Variants in LAMC3 observed in about 807,000 individuals in gnomAD.
The protein encoded by LAMC3 is laminin subunit gamma 3.
Under a neutral mutation model 173.8 loss-of-function variants are expected in LAMC3, and 128 were observed. The ratio of observed to expected loss-of-function variants is 0.74; its 90% CI spans 0.64 to 0.85. The LOEUF (loss-of-function observed/expected upper bound fraction) is 0.85. Among genes scored for constraint, LAMC3 ranks in the 40% least tolerant of loss-of-function variants. The pLI, the probability that LAMC3 is intolerant of heterozygous loss-of-function variation, is 0.00. For missense variants in LAMC3, 2,022 were observed against 2,156.0 expected (o/e 0.94, Z 1.23); for synonymous variants, 897 against 909.1 (o/e 0.99, Z 0.24).
intron 1 of LAMC3, among the ~76,000 whole-genome samples, chr9:131,024,619 G>A (rs1361460480): frequency 6.6e-6 from 1 of 152,136 alleles, no homozygotes; most frequent in East Asian, 1.9e-4. Flanking sequence ...GGCATCTTCT[G>A]TGCTGCTCTG....
chr9:131,087,786 C>A lies in LAMC3; in HGVS notation c.4446C>A (p.Ile1482=). The change falls in exon 27 of 28, where the codon ATC becomes ATA. Residue 1482 remains isoleucine, a synonymous_variant. Coordinates refer to ENST00000361069, the MANE Select transcript of LAMC3 (RefSeq NM_006059.4). ...RESRISLEKD[I]ETLSELLARL... ...CGCGTATCTCACTGGAGAAGGACAT[C>A]GAGACCTTGTCAGAGCTGCTTGCCA... The A allele has an allele frequency of 6.2e-7, 1 of 1,614,098 alleles. No individual in the cohort carries two copies. Among genetic ancestry groups the A allele is most frequent in the African/African-American group, 1.3e-5 (1 of 75,068 alleles).
chr9:131,052,639 C>A lies in LAMC3; in HGVS notation c.1779C>A (p.Gly593=). The change falls in exon 10 of 28, where the codon GGC becomes GGA. Residue 593 remains glycine (G), a synonymous_variant. Transcript: ENST00000361069. Reference sequence around the variant, plus strand: ...CCCTGAGGCACTCTAGCCTGTCTGGCCCCCAGGATGCCGGGCATCCCAGGG... The same window carrying A: ...CCCTGAGGCACTCTAGCCTGTCTGGACCCCAGGATGCCGGGCATCCCAGGG... ...ALSLRHSSLS[G]PQDAGHPREV... is the part of the protein sequence containing the mutation. 1 of 1,613,718 alleles carries A rather than the reference C, an allele frequency of 6.2e-7. No homozygotes were observed. The highest frequency in any genetic ancestry group is 2.2e-5 in the East Asian group (1 of 44,858).
In LAMC3 at chr9:131,030,783, G is replaced by A. The variant is rs1318895619; in HGVS notation, c.679-1262G>A. Among the ~76,000 whole-genome samples the A allele has an allele frequency of 4.6e-5, 7 of 152,236 alleles. 1 individual carries two copies. In the South Asian group the frequency reaches 6.2e-4, roughly 13 times the overall value. ...CACAGCGCGTTCAGCTCTGGACTGC[G>A]GGACTTCCCCACCCCAGGCCTCAGC... On this transcript the variant is annotated intron_variant, in intron 2 of 27. Coordinates refer to ENST00000361069, the MANE Select transcript of LAMC3 (RefSeq NM_006059.4).
chr9:131,045,749 A>G, intron 8 of LAMC3, 89 bp downstream of exon 8: 1 of 1,508,780 alleles, frequency 6.6e-7, no homozygotes, highest in Non-Finnish European at 9.1e-7. Context: ...GCATTAGTGG[A>G]TCTCCCATTG....
chr9:131,090,885 G>A (rs1022892880), intron 27 of LAMC3, among the ~76,000 whole-genome samples: 13 of 152,066 alleles, frequency 8.5e-5, no homozygotes, highest in Admixed American at 1.3e-4. Context: ...AAAAATTAGC[G>A]GAGCATGGTG....
Position 131,026,851 on chromosome 9 carries a change from T to C in LAMC3, c.678+262T>C, listed in dbSNP as rs1833728291. ...CCTGCCAAGTAACTGAGATTACAGGTGCCCGCCACGACTCCTGGCTGATTC... is the reference window on the plus strand; with the variant it reads ...CCTGCCAAGTAACTGAGATTACAGGCGCCCGCCACGACTCCTGGCTGATTC... On this transcript the variant is annotated intron_variant, in intron 2 of 27. Coordinates refer to ENST00000361069, the MANE Select transcript of LAMC3 (RefSeq NM_006059.4). The surrounding 1 kb of genome is among the most constrained non-coding windows in gnomAD (Gnocchi z 4.8). Among the ~76,000 whole-genome samples, 1 of 152,162 alleles carries C rather than the reference T, an allele frequency of 6.6e-6. No homozygotes were observed. Among genetic ancestry groups the C allele is most frequent in the Non-Finnish European group, 1.5e-5 (1 of 68,034 alleles).
chr9:131,026,680 GGGGGACCT>G lies in LAMC3; in HGVS notation c.678+93_678+100del, dbSNP rs1417999749. On this transcript the variant is annotated intron_variant, in intron 2 of 27. Transcript: ENST00000361069. The surrounding 1 kb of genome is among the most constrained non-coding windows in gnomAD (Gnocchi z 4.8). ...TCTGATGTGCCAGGACACACAGGGT[GGGGGACCT>G]GCAAAACCCCATGGTTTTCTTTTTC... The G allele has an allele frequency of 6.9e-6, 10 of 1,440,576 alleles. No homozygotes were observed. The highest frequency in any genetic ancestry group is 9.1e-6 in the Non-Finnish European group (10 of 1,101,574). The allele number at this position is 1,440,576 out of a possible 1,614,324, so 89.2% of individuals were successfully genotyped here.
intron 6 of LAMC3, among the ~76,000 whole-genome samples, 180 bp from the exon 7 acceptor site, chr9:131,041,457 C>A (rs1834055843): frequency 6.6e-6 from 1 of 151,466 alleles, no homozygotes; most frequent in Non-Finnish European, 1.5e-5. Context: ...AGATGGACCA[C>A]TGTACCAGTG....
At chr9:131,084,079 C>T (rs1283632678) in intron 24 of LAMC3, among the ~76,000 whole-genome samples, 1 of 143,690 alleles carries the variant, frequency 7.0e-6, no homozygotes, top group African/African-American at 2.6e-5. Context: ...GACAGGGTTT[C>T]ACCAGGTTGG....
intron 13 of LAMC3, among the ~76,000 whole-genome samples, chr9:131,062,788 G>C (rs566426169): frequency 2.6e-5 from 4 of 151,904 alleles, no homozygotes; most frequent in Non-Finnish European, 5.9e-5. Flanking sequence ...AGAATTGCTT[G>C]AACCCAGGAG....
rs762849794 is a variant in LAMC3 at position 131,069,807 on chromosome 9, A to G, written c.3026A>G (p.His1009Arg). 13 of 1,594,670 alleles carry G rather than the reference A, an allele frequency of 8.2e-6. No individual in the cohort carries two copies. The highest frequency in any genetic ancestry group is 4.5e-5 in the South Asian group (4 of 88,042). The part of the protein sequence containing the change: ...DNFFLTADGT[H>R]CQQCPSCYAL... ...TTCTTCCTCACGGCAGACGGCACAC[A>G]CTGCCAGCAATGTCCGTCCTGCTAC... Residue 1009 changes from histidine to arginine, a missense_variant, in exon 17 of 28, where the codon CAC becomes CGC. Coordinates refer to ENST00000361069, the MANE Select transcript of LAMC3 (RefSeq NM_006059.4).
chr9:131,072,189 T>G (rs1262973595), intron 18 of LAMC3, among the ~76,000 whole-genome samples: 1 of 152,110 alleles, frequency 6.6e-6, no homozygotes, highest in Non-Finnish European at 1.5e-5. Flanking sequence ...ATTGGATTAC[T>G]TTGTGAAGTT....
At chr9:131,022,272 C>G (rs954601869) in intron 1 of LAMC3, among the ~76,000 whole-genome samples, 2 of 140,054 alleles carry the variant, frequency 1.4e-5, no homozygotes, top group African/African-American at 5.4e-5. Flanking sequence ...AATAGAGAGA[C>G]ATGGTCTCAC....
Position 131,026,694 on chromosome 9 carries a change from AC to A in LAMC3, c.678+109del, listed in dbSNP as rs1833724103. The A allele has an allele frequency of 7.0e-7, 1 of 1,425,954 alleles. No individual in the cohort carries two copies. Among genetic ancestry groups the A allele is most frequent in the Non-Finnish European group, 9.2e-7 (1 of 1,092,448 alleles). 88.3% of individuals were successfully genotyped at this position (1,425,954 alleles called of 1,614,324 possible). ...ACACACAGGGTGGGGGACCTGCAAA[AC>A]CCCATGGTTTTCTTTTTCTTCTTTT... On this transcript the variant is annotated intron_variant, in intron 2 of 27. Transcript: ENST00000361069. This position sits in a 1 kb window ranked among gnomAD's most constrained non-coding sequence, Gnocchi z 4.8.
Position 131,048,047 on chromosome 9 carries a change from A to ATTTT in LAMC3, c.1520-949_1520-946dup, listed in dbSNP as rs59291636. 6.6e-4 allele frequency among the ~76,000 whole-genome samples: 35 copies of ATTTT among 53,394 alleles called. 9 individuals carry two copies. The highest frequency in any genetic ancestry group is 2.5e-3 in the African/African-American group (28 of 11,100). The allele number at this position is 53,394 out of a possible 152,430, so 35.0% of individuals were successfully genotyped here. A position where few individuals can be genotyped will look rare whatever the true frequency, so the allele number is the denominator to read the frequency against. On this transcript the variant is annotated intron_variant, in intron 8 of 27. Transcript: ENST00000361069. ...AGGTGTGAGCCACCACACCCAGCTG[A>ATTTT]TTTTTTTTTTTTTTTTTTTTTTTTT... is the stretch of plus-strand genomic sequence containing the variant.
rs1185329377 is a variant in LAMC3, at chr9:131,026,255, A to G, written c.374-30A>G. ...GGATTCCATACCTCCTTCCCCTTCC[A>G]TAAAATGGGCCCCGTTTTCCTGGCT... is the stretch of plus-strand genomic sequence containing the variant. On this transcript the variant is annotated intron_variant, in intron 1 of 27. Transcript: ENST00000361069. The surrounding 1 kb of genome is among the most constrained non-coding windows in gnomAD (Gnocchi z 4.8). The G allele has an allele frequency of 3.1e-6, 5 of 1,613,640 alleles. No individual in the cohort carries two copies. Among genetic ancestry groups the G allele is most frequent in the Admixed American group, 1.7e-5 (1 of 59,992 alleles).
Position 131,052,985 on chromosome 9 carries a change from T to C in LAMC3, c.1939+20T>C. The C allele has an allele frequency of 6.4e-7, 1 of 1,551,770 alleles. No homozygotes were observed. The highest frequency in any genetic ancestry group is 8.9e-7 in the Non-Finnish European group (1 of 1,126,690). On this transcript the variant is annotated intron_variant, in intron 11 of 27. Transcript: ENST00000361069. ...CTGCCGGTCAGTAAAGACAACCACA[T>C]GCCCAAGACCCGAGTGCTTGCCAGG...
intron 4 of LAMC3, among the ~76,000 whole-genome samples, 198 bp downstream of exon 4, chr9:131,036,530 C>T (rs1376084102): frequency 1.3e-5 from 2 of 152,116 alleles, no homozygotes; most frequent in African/African-American, 4.8e-5. Flanking sequence ...CTCAGTCTCT[C>T]CTCCACTAAG....
intron 3 of LAMC3, among the ~76,000 whole-genome samples, chr9:131,034,010 A>T (rs1386349964): frequency 6.6e-6 from 1 of 152,100 alleles, no homozygotes; most frequent in Non-Finnish European, 1.5e-5. Context: ...CCCTTATGTG[A>T]GTCGGTGGGA....
Sources: gnomAD v4.1 joint callset for allele counts (sites outside exome capture counted in the v4.1 genomes callset) on GRCh38, gnomAD v4.1.1 for gene constraint, Gnocchi (gnomAD v3.1) non-coding constraint, MANE v1.5 for transcripts, NCBI Gene and HGNC (gene_info 2026-07-23, HGNC 2026-07-21) for gene names.